EXOC6B: variants seen among roughly 807,000 people sequenced by gnomAD.
EXOC6B encodes exocyst complex component 6B.
In EXOC6B, 54 loss-of-function variants were observed where a neutral mutation model predicts 113.5. The observed-to-expected ratio is 0.48, with a 90% CI of 0.38 to 0.60. The LOEUF is 0.60. EXOC6B is among the 20% of genes least tolerant of loss of function. The pLI is 0.00. For missense variants in EXOC6B, 797 were observed against 977.5 expected (o/e 0.82, Z 2.46); for synonymous variants, 357 against 339.0 (o/e 1.05, Z -0.58).
At chr2:72,575,165 G>A (rs969730741) in intron 7 of EXOC6B, among the ~76,000 whole-genome samples, 14 of 152,034 alleles carry the variant, frequency 9.2e-5, no homozygotes, top group African/African-American at 3.4e-4. Context: ...AGTTTCAGCC[G>A]AGGTCACCTA....
At chr2:72,782,949 A>G (rs1331365146) in intron 1 of EXOC6B, among the ~76,000 whole-genome samples, 2 of 152,190 alleles carry the variant, frequency 1.3e-5, no homozygotes, top group Non-Finnish European at 2.9e-5. Context: ...TTGATTCTGT[A>G]GCTTTGCTAT....
intron 20 of EXOC6B, among the ~76,000 whole-genome samples, chr2:72,271,574 GAGA>G (rs1269896065): frequency 3.3e-5 from 5 of 151,666 alleles, no homozygotes; most frequent in Non-Finnish European, 5.9e-5. Context: ...GAAAAAGAAA[GAGA>G]AGGAGACAGA....
intron 6 of EXOC6B, among the ~76,000 whole-genome samples, chr2:72,641,337 G>GA (rs1673213566): frequency 2.0e-5 from 3 of 152,216 alleles, no homozygotes; most frequent in Non-Finnish European, 4.4e-5. Context: ...ACTGTACCTG[G>GA]AAAATCAGGC....
chr2:72,423,647 T>C (rs1459971027), intron 18 of EXOC6B, among the ~76,000 whole-genome samples: 1 of 152,148 alleles, frequency 6.6e-6, no homozygotes, highest in African/African-American at 2.4e-5. Context: ...GTGAAAAATA[T>C]TAAATAATAG....
At chr2:72,445,843 A>C (rs1336725319) in intron 18 of EXOC6B, among the ~76,000 whole-genome samples, 1 of 152,184 alleles carries the variant, frequency 6.6e-6, no homozygotes, top group Non-Finnish European at 1.5e-5. Context: ...GGACATGAAC[A>C]CACACTTTTT....
At chr2:72,708,183 G>A (rs1573661616) in intron 6 of EXOC6B, among the ~76,000 whole-genome samples, 1 of 152,092 alleles carries the variant, frequency 6.6e-6, no homozygotes, top group East Asian at 1.9e-4. Context: ...TAATATACAT[G>A]ATAGAAACTC....
rs899347867 is a variant in EXOC6B, at chr2:72,176,252, T to C, written c.*3083A>G. The C allele has an allele frequency of 5.9e-5, 8 of 135,976 alleles. No homozygotes were observed. Among genetic ancestry groups the C allele is most frequent in the Admixed American group, 5.4e-4 (7 of 13,034 alleles). 8.4% of individuals were successfully genotyped at this position (135,976 alleles called of 1,614,324 possible). A position where few individuals can be genotyped will look rare whatever the true frequency, so the allele number is the denominator to read the frequency against. ...CACCTTTGTGAAAAGTAATTGTGAATGCAGGCAAAAAAAAAAAAAACAAAA... is the reference window on the plus strand; with the variant it reads ...CACCTTTGTGAAAAGTAATTGTGAACGCAGGCAAAAAAAAAAAAAACAAAA... On this transcript the variant is annotated 3_prime_UTR_variant, in exon 22 of 22. Coordinates refer to ENST00000272427, the MANE Select transcript of EXOC6B (RefSeq NM_015189.3).
intron 6 of EXOC6B, among the ~76,000 whole-genome samples, chr2:72,694,467 A>C (rs1476018673): frequency 6.6e-6 from 1 of 152,134 alleles, no homozygotes; most frequent in African/African-American, 2.4e-5. Flanking sequence ...AAAATAAAAG[A>C]GTGAACTTCA....
chr2:72,405,030 A>C (rs1693627009), intron 18 of EXOC6B, among the ~76,000 whole-genome samples: 1 of 152,214 alleles, frequency 6.6e-6, no homozygotes, highest in Non-Finnish European at 1.5e-5. Context: ...ATGGAGCTGA[A>C]AACCATGGCA....
At chr2:72,416,073 T>C (rs758966688) in intron 18 of EXOC6B, among the ~76,000 whole-genome samples, 29 of 152,172 alleles carry the variant, frequency 1.9e-4, no homozygotes, top group Non-Finnish European at 4.1e-4. Flanking sequence ...GATGCACCCC[T>C]CTTCTAGCAC....
intron 20 of EXOC6B, among the ~76,000 whole-genome samples, chr2:72,258,719 T>C (rs1032097435): frequency 6.6e-6 from 1 of 152,148 alleles, no homozygotes; most frequent in South Asian, 2.1e-4. Context: ...ATAATAATAA[T>C]AAAAGGTTTT....
At chr2:72,544,891 C>T (rs1024983400) in intron 8 of EXOC6B, among the ~76,000 whole-genome samples, 5 of 151,992 alleles carry the variant, frequency 3.3e-5, no homozygotes, top group African/African-American at 1.2e-4. Context: ...AAGAAAGAAA[C>T]TTATTCACAA....
chr2:72,720,781 C>G (rs2104731540), intron 5 of EXOC6B, among the ~76,000 whole-genome samples: 1 of 151,034 alleles, frequency 6.6e-6, no homozygotes, highest in East Asian at 2.0e-4. Context: ...AAAGGAAACA[C>G]AAAAGAGCTG....
At chr2:72,522,133 T>TA (rs751677716) in intron 8 of EXOC6B, among the ~76,000 whole-genome samples, 98 of 152,316 alleles carry the variant, frequency 6.4e-4, no homozygotes, top group Non-Finnish European at 1.3e-3. Context: ...TAAGAAGGGC[T>TA]AAATAACCAC....
At chr2:72,210,110 T>C (rs1680095711) in intron 20 of EXOC6B, among the ~76,000 whole-genome samples, 1 of 152,172 alleles carries the variant, frequency 6.6e-6, no homozygotes. Flanking sequence ...AAACCTTTGC[T>C]TGCTCTCAGC....
intron 20 of EXOC6B, among the ~76,000 whole-genome samples, chr2:72,218,954 C>T (rs1395843460): frequency 6.9e-6 from 1 of 144,384 alleles, no homozygotes; most frequent in African/African-American, 2.6e-5. Context: ...GGCCAATATG[C>T]TATTTCTTAA....
intron 20 of EXOC6B, chr2:72,289,053 A>G (rs571285676): frequency 2.6e-4 from 79 of 299,470 alleles, no homozygotes; most frequent in Non-Finnish European, 2.6e-4. Flanking sequence ...AGCTGGTATC[A>G]CGGACCAAGA....
At chr2:72,653,324 C>A (rs1379812313) in intron 6 of EXOC6B, among the ~76,000 whole-genome samples, 3 of 140,854 alleles carry the variant, frequency 2.1e-5, no homozygotes, top group African/African-American at 8.0e-5. Flanking sequence ...CCAAACACCG[C>A]ATATTCTCAC....
At chr2:72,382,839 G>C (rs191865573) in intron 18 of EXOC6B, among the ~76,000 whole-genome samples, 147 of 152,018 alleles carry the variant, frequency 9.7e-4, no homozygotes, top group African/African-American at 3.3e-3. Context: ...GGATGCTATT[G>C]GTGTACAGGA....
Sources: gnomAD v4.1 joint callset for allele counts (sites outside exome capture counted in the v4.1 genomes callset) on GRCh38, gnomAD v4.1.1 for gene constraint, MANE v1.5 for transcripts, NCBI Gene and HGNC (gene_info 2026-07-23, HGNC 2026-07-21) for gene names.